RAB27B: variants seen among roughly 807,000 people sequenced by gnomAD.
RAB27B encodes ras-related protein Rab-27B.
In RAB27B, 15 loss-of-function variants were observed where a neutral mutation model predicts 24.6. The observed-to-expected ratio is 0.61, with a 90% CI of 0.41 to 0.94. The LOEUF is 0.94. Among genes scored for constraint, RAB27B ranks in the 40% least tolerant of loss-of-function variants. RAB27B has a pLI of 0.00. For synonymous variants in RAB27B, 105 were observed against 92.5 expected, an observed-to-expected ratio of 1.14 and a Z score of -0.78; for missense variants, 261 against 266.8, an observed-to-expected ratio of 0.98 and a Z score of 0.15.
chr18:54,860,132 G>C (rs1193811213), intron 1 of RAB27B, among the ~76,000 whole-genome samples: 3 of 152,144 alleles, frequency 2.0e-5, no homozygotes, highest in African/African-American at 4.8e-5. Context: ...ATCAAGAGTA[G>C]AGAGGAATTC....
rs1311734720 is a variant in RAB27B at position 54,894,565 on chromosome 18, C to T, written c.*5152C>T. 6 of 151,888 alleles carry T rather than the reference C, an allele frequency of 4.0e-5. No individual in the cohort carries two copies. The highest frequency in any genetic ancestry group is 1.5e-4 in the African/African-American group (6 of 41,350). 9.4% of individuals were successfully genotyped at this position (151,888 alleles called of 1,614,324 possible). Reference sequence around the variant, plus strand: ...TTTCAAATGCTCCTTGTGAAAACACCTAGTGTTGTAGAAAGGAAAGTGGCC... The same window carrying T: ...TTTCAAATGCTCCTTGTGAAAACACTTAGTGTTGTAGAAAGGAAAGTGGCC... On this transcript the variant is annotated 3_prime_UTR_variant, in exon 6 of 6. Coordinates refer to ENST00000262094, the MANE Select transcript of RAB27B (RefSeq NM_004163.4).
At chr18:54,846,437 G>A (rs1207423010) in intron 1 of RAB27B, among the ~76,000 whole-genome samples, 2 of 152,308 alleles carry the variant, frequency 1.3e-5, no homozygotes, top group East Asian at 3.9e-4. Flanking sequence ...TGAATAACAA[G>A]AATGAACTCT....
At chr18:54,812,955 A>G (rs1174559640) in intron 2 of RAB27B, among the ~76,000 whole-genome samples, 5 of 152,206 alleles carry the variant, frequency 3.3e-5, no homozygotes, top group Non-Finnish European at 5.9e-5. Flanking sequence ...GTGAATAAAG[A>G]AGCATAGATT....
rs1253089421 is a variant in RAB27B at position 54,888,016 on chromosome 18, A to T, written c.365A>T (p.Tyr122Phe). ...CAAGGCCAACTGCAAGCAAATGCTT[A>T]TTGTGAAAATCCAGATATAGTATTA... The part of the protein sequence containing the change: ...NWMSQLQANA[Y>F]CENPDIVLIG... Residue 122 changes from tyrosine (Y) to phenylalanine (F), a missense_variant, in exon 5 of 6, where the codon TAT becomes TTT. Physicochemically the swap from Tyr to Phe is conservative, Grantham distance 22. Coordinates refer to ENST00000262094, the MANE Select transcript of RAB27B (RefSeq NM_004163.4). The T allele has an allele frequency of 1.9e-6, 3 of 1,612,418 alleles. No homozygotes were observed.
intron 1 of RAB27B, among the ~76,000 whole-genome samples, chr18:54,870,559 G>A (rs1032439681): frequency 2.6e-5 from 4 of 152,054 alleles, no homozygotes; most frequent in African/African-American, 9.7e-5. Context: ...TTGAGAGGAA[G>A]ACCTAAAGCT....
intron 2 of RAB27B, among the ~76,000 whole-genome samples, chr18:54,765,972 T>C (rs574505613): frequency 1.3e-5 from 2 of 152,340 alleles, no homozygotes; most frequent in East Asian, 1.9e-4. Context: ...CCAGTTTGTT[T>C]ACAGCAGGAC....
At chr18:54,728,243 C>T (rs1909604121) in intron 2 of RAB27B, among the ~76,000 whole-genome samples, 1 of 152,146 alleles carries the variant, frequency 6.6e-6, no homozygotes, top group South Asian at 2.1e-4. Context: ...ACAGAAAAGC[C>T]TTTAGACTCT....
At chr18:54,811,897 A>C (rs924435835) in intron 2 of RAB27B, among the ~76,000 whole-genome samples, 1 of 152,216 alleles carries the variant, frequency 6.6e-6, no homozygotes, top group African/African-American at 2.4e-5. Context: ...TTCATAAGAC[A>C]TTCACTCAAT....
intron 2 of RAB27B, among the ~76,000 whole-genome samples, chr18:54,811,993 C>T (rs996798086): frequency 6.6e-5 from 10 of 152,146 alleles, no homozygotes; most frequent in Admixed American, 1.3e-4. Flanking sequence ...GGGTTCTGAG[C>T]GAATCCATCA....
intron 2 of RAB27B, among the ~76,000 whole-genome samples, chr18:54,755,680 G>A (rs1907982713): frequency 6.6e-6 from 1 of 152,142 alleles, no homozygotes. Context: ...TAATTTTATT[G>A]TGCAAATGCC....
rs1910899939 is a variant in RAB27B at position 54,836,519 on chromosome 18, A to G, written c.-20+7819A>G. On this transcript the variant is annotated intron_variant, in intron 1 of 5. Coordinates refer to ENST00000262094, the MANE Select transcript of RAB27B (RefSeq NM_004163.4). ...TAAAATCAATATCGTAAATATTGAG[A>G]CACATGAAGGTATAAGCTTGGCAAC... Among the ~76,000 whole-genome samples, 5 of 152,146 alleles carry G rather than the reference A, an allele frequency of 3.3e-5. No individual in the cohort carries two copies. In the South Asian group the frequency reaches 1.0e-3, roughly 32 times the overall value.
rs548709474 is a variant in RAB27B at position 54,735,880 on chromosome 18, G to A, written c.-20+17739G>A. On this transcript the variant is annotated intron_variant, in intron 2 of 4. Coordinates refer to the RAB27B transcript ENST00000586570. Reference sequence around the variant, plus strand: ...AAGTAAAATTAGGTAGTAAATGCCTGTTGCATGAAAGGACTTTTCATATAT... The same window carrying A: ...AAGTAAAATTAGGTAGTAAATGCCTATTGCATGAAAGGACTTTTCATATAT... Among the ~76,000 whole-genome samples, 171 of 152,206 alleles carry A rather than the reference G, an allele frequency of 1.1e-3. 1 individual carries two copies. Among genetic ancestry groups the A allele is most frequent in the African/African-American group, 4.0e-3 (166 of 41,540 alleles).
intron 2 of RAB27B, among the ~76,000 whole-genome samples, chr18:54,743,188 T>A (rs1910123968): frequency 6.6e-6 from 1 of 152,258 alleles, no homozygotes; most frequent in Admixed American, 6.5e-5. Flanking sequence ...ATTTAGCTTT[T>A]ACATACTGTA....
Position 54,815,514 on chromosome 18 carries a change from T to C in RAB27B, c.-19-62053T>C, listed in dbSNP as rs566556059. 6.6e-5 allele frequency among the ~76,000 whole-genome samples: 10 copies of C among 152,348 alleles called. No homozygotes were observed. In the South Asian group the frequency reaches 1.9e-3, roughly 28 times the overall value. ...TCAAATCCCTCTGCCTCTGGACTTA[T>C]CAAAATCTGTGTACCTGAGAATAGT... is the stretch of plus-strand genomic sequence containing the variant. On this transcript the variant is annotated intron_variant, in intron 2 of 4. Transcript: ENST00000586570.
At chr18:54,872,880 C>T (rs1598982315) in intron 1 of RAB27B, among the ~76,000 whole-genome samples, 1 of 152,212 alleles carries the variant, frequency 6.6e-6, no homozygotes, top group Middle Eastern at 3.4e-3. Flanking sequence ...TATATGGCAG[C>T]CACTGAGCTG....
Position 54,894,199 on chromosome 18 carries a change from T to C in RAB27B, c.*4786T>C, listed in dbSNP as rs1913481642. On this transcript the variant is annotated 3_prime_UTR_variant, in exon 6 of 6. Coordinates refer to ENST00000262094, the MANE Select transcript of RAB27B (RefSeq NM_004163.4). ...TTTCTCATTTCCTGTAGAGAGAGAA[T>C]ACCACTAACAAACAAACAAAAACTT... 6.6e-6 allele frequency: 1 copy of C among 151,960 alleles called. No homozygotes were observed. The highest frequency in any genetic ancestry group is 1.5e-5 in the Non-Finnish European group (1 of 67,902). The allele number at this position is 151,960 out of a possible 1,614,324, so 9.4% of individuals were successfully genotyped here.
chr18:54,748,705 G>A (rs941464318), intron 2 of RAB27B, among the ~76,000 whole-genome samples: 1 of 152,192 alleles, frequency 6.6e-6, no homozygotes, highest in African/African-American at 2.4e-5. Context: ...GTGGTGATGG[G>A]GTCAAAGGAA....
At chr18:54,850,637 A>T (rs1911545015) in intron 1 of RAB27B, among the ~76,000 whole-genome samples, 1 of 151,312 alleles carries the variant, frequency 6.6e-6, no homozygotes, top group Non-Finnish European at 1.5e-5. Flanking sequence ...AAGTGTTGGG[A>T]TTGCAGGCGT....
intron 5 of RAB27B, 116 bp downstream of exon 5, chr18:54,888,234 T>A: frequency 8.3e-7 from 1 of 1,203,042 alleles, no homozygotes; most frequent in Non-Finnish European, 1.2e-6. Context: ...GCATGTGGAT[T>A]AAAAAGATCT....
Sources: allele counts gnomAD v4.1 joint callset (sites outside exome capture counted in the v4.1 genomes callset), GRCh38; gene constraint gnomAD v4.1.1; transcripts MANE v1.5; gene names NCBI Gene and HGNC (gene_info 2026-07-23, HGNC 2026-07-21).